ESR1: variants seen among roughly 807,000 people sequenced by gnomAD.
The protein encoded by ESR1 is estrogen receptor 1, also known as estrogen receptor.
A neutral mutation model predicts 52.7 loss-of-function variants in ESR1; 12 were observed. That is an observed-to-expected ratio of 0.23 (90% CI 0.15 to 0.37). The LOEUF is 0.37. Ranked by LOEUF, ESR1 falls within the 10% of genes least tolerant of loss-of-function variation. ESR1 has a pLI of 1.00. For missense variants in ESR1, 584 were observed against 779.7 expected, an observed-to-expected ratio of 0.75 and a Z score of 2.99; for synonymous variants, 305 against 316.8, an observed-to-expected ratio of 0.96 and a Z score of 0.39.
At position 151,815,721 on chromosome 6, in the gene ESR1, C is replaced by A. The variant is rs1239183033; in HGVS notation, c.452+7357C>A. 2.0e-5 allele frequency among the ~76,000 whole-genome samples: 3 copies of A among 152,290 alleles called. No homozygotes were observed. In the South Asian group the frequency reaches 6.2e-4, roughly 32 times the overall value. On this transcript the variant is annotated intron_variant, in intron 1 of 7. Coordinates refer to ENST00000206249, the MANE Select transcript of ESR1 (RefSeq NM_000125.4). ...CTTACTGACGTTTATTTGTAACCTT[C>A]GAGTCAACACTCACGGTGCTTTCTC...
chr6:151,850,071 TATAA>T (rs1562474353), intron 2 of ESR1, among the ~76,000 whole-genome samples: 1,003 of 94,382 alleles, frequency 0.011, 55 homozygotes, highest in African/African-American at 0.037. Context: ...TTTATATATA[TATAA>T]AAAATTATAT....
At chr6:151,879,304 TTTGGC>T (rs1438044995) in intron 2 of ESR1, among the ~76,000 whole-genome samples, 1 of 152,108 alleles carries the variant, frequency 6.6e-6, no homozygotes, top group African/African-American at 2.4e-5. Flanking sequence ...ACCTGTAAAA[TTTGGC>T]AACGCGATTC....
At chr6:152,092,396 T>G (rs1417549748) in intron 6 of ESR1, among the ~76,000 whole-genome samples, 1 of 152,254 alleles carries the variant, frequency 6.6e-6, no homozygotes, top group Non-Finnish European at 1.5e-5. Context: ...TTTTCCATTC[T>G]GGGCAGTTAC....
intron 1 of ESR1, among the ~76,000 whole-genome samples, chr6:151,831,866 G>C (rs542847946): frequency 6.6e-6 from 1 of 152,290 alleles, no homozygotes; most frequent in Admixed American, 6.5e-5. Flanking sequence ...CAAGGGTCGT[G>C]CTGGGTTTTC....
chr6:152,049,695 A>G (rs974056207), intron 5 of ESR1, among the ~76,000 whole-genome samples: 1 of 152,054 alleles, frequency 6.6e-6, no homozygotes, highest in African/African-American at 2.4e-5. Flanking sequence ...GAGGCTGCAA[A>G]AAAGAGGGAG....
At chr6:151,796,562 T>C (rs1198115465) in intron 2 of ESR1, among the ~76,000 whole-genome samples, 3 of 152,234 alleles carry the variant, frequency 2.0e-5, no homozygotes, top group Non-Finnish European at 4.4e-5. Context: ...GTAAAACACT[T>C]GATAGATGTT....
At chr6:151,808,478 C>T (rs1290728250) in intron 1 of ESR1, 114 bp downstream of exon 1, 43 of 982,876 alleles carry the variant, frequency 4.4e-5, no homozygotes, top group Admixed American at 2.4e-4. Flanking sequence ...GACGCGCGAC[C>T]CGAGGGTGCG....
intron 2 of ESR1, among the ~76,000 whole-genome samples, chr6:151,851,385 T>C (rs1349054582): frequency 6.6e-6 from 1 of 152,142 alleles, no homozygotes; most frequent in Non-Finnish European, 1.5e-5. Flanking sequence ...ATACTGACTG[T>C]AAAGTCCTTA....
intron 2 of ESR1, among the ~76,000 whole-genome samples, chr6:151,718,499 A>G (rs990482955): frequency 6.6e-6 from 1 of 152,204 alleles, no homozygotes; most frequent in Non-Finnish European, 1.5e-5. Context: ...TCTACCCATT[A>G]CTAAAATATC....
intron 3 of ESR1, among the ~76,000 whole-genome samples, chr6:151,922,808 T>C (rs533571056): frequency 1.2e-3 from 186 of 152,290 alleles, no homozygotes; most frequent in African/African-American, 4.2e-3. Flanking sequence ...CAAAGAGATA[T>C]ATGTGTGTGT....
Position 152,085,028 on chromosome 6 carries a change from A to G in ESR1, c.1370-9357A>G, listed in dbSNP as rs138069421. Among the ~76,000 whole-genome samples the G allele has an allele frequency of 2.4e-3, 369 of 152,330 alleles. 2 individuals are homozygous for G. Among genetic ancestry groups the G allele is most frequent in the African/African-American group, 8.8e-3 (367 of 41,572 alleles). On this transcript the variant is annotated intron_variant, in intron 6 of 7. Transcript: ENST00000206249. ...GCCAGAGCATTGGCAGGCAGAGTTT[A>G]TAACATGGGGCAGGAAGCATTGAAA...
intron 2 of ESR1, among the ~76,000 whole-genome samples, chr6:151,709,868 C>T (rs560965803): frequency 7.3e-5 from 11 of 151,534 alleles, no homozygotes; most frequent in Admixed American, 2.6e-4. Context: ...TCTTCCTATA[C>T]GTATTCTGAA....
intron 2 of ESR1, among the ~76,000 whole-genome samples, chr6:151,770,271 T>C (rs1349612034): frequency 2.6e-5 from 4 of 152,206 alleles, no homozygotes; most frequent in African/African-American, 9.6e-5. Context: ...AAGAAAATAT[T>C]ATGCAATACT....
intron 2 of ESR1, among the ~76,000 whole-genome samples, chr6:151,798,073 C>A (rs559493573): frequency 6.6e-6 from 1 of 152,092 alleles, no homozygotes; most frequent in Non-Finnish European, 1.5e-5. Flanking sequence ...GGGTACACTG[C>A]CGAAAGCGAG....
At chr6:151,973,052 G>A (rs760768705) in intron 4 of ESR1, among the ~76,000 whole-genome samples, 2 of 152,064 alleles carry the variant, frequency 1.3e-5, no homozygotes, top group Admixed American at 6.6e-5. Context: ...GATTGAGGGC[G>A]GGTCTGCCTT....
At chr6:151,794,721 G>A (rs978444238) in intron 2 of ESR1, among the ~76,000 whole-genome samples, 3 of 152,002 alleles carry the variant, frequency 2.0e-5, no homozygotes, top group Admixed American at 2.0e-4. Flanking sequence ...CACTAGACTC[G>A]TGAGTTTTTG....
upstream of ESR1, among the ~76,000 whole-genome samples, chr6:151,689,950 A>T (rs1403872571): frequency 6.6e-6 from 1 of 152,186 alleles, no homozygotes; most frequent in Non-Finnish European, 1.5e-5. Flanking sequence ...TAAACTTAAA[A>T]ATTGCTGCAG....
chr6:152,090,670 G>T (rs1183120920), intron 6 of ESR1, among the ~76,000 whole-genome samples: 3 of 152,334 alleles, frequency 2.0e-5, no homozygotes, highest in South Asian at 2.1e-4. Flanking sequence ...GGAGAAGGGG[G>T]TTCCTCTGGG....
chr6:152,002,602 C>T (rs948951850), intron 4 of ESR1, among the ~76,000 whole-genome samples: 1 of 151,992 alleles, frequency 6.6e-6, no homozygotes, highest in Non-Finnish European at 1.5e-5. Flanking sequence ...TTGACAAGCA[C>T]TTAAAAGGGC....
Sources: allele counts gnomAD v4.1 joint callset (sites outside exome capture counted in the v4.1 genomes callset), GRCh38; gene constraint gnomAD v4.1.1; transcripts MANE v1.5; gene names NCBI Gene and HGNC (gene_info 2026-07-23, HGNC 2026-07-21).